Variants in TIMM23B observed in about 807,000 individuals in gnomAD.
TIMM23B encodes the protein mitochondrial import inner membrane translocase subunit Tim23B.
TIMM23B carries 27 observed loss-of-function variants against 27.3 expected under a neutral mutation model. The observed-to-expected ratio is 0.99, with a 90% CI of 0.73 to 1.36. The LOEUF (loss-of-function observed/expected upper bound fraction) is 1.36. TIMM23B is among the 40% of genes most tolerant of loss of function. The pLI, the probability that TIMM23B is intolerant of heterozygous loss-of-function variation, is 0.00. For missense variants in TIMM23B, 205 were observed against 244.2 expected (o/e 0.84, Z 1.07); for synonymous variants, 73 against 92.4 (o/e 0.79, Z 1.21).
At chr10:49,965,001 A>G (rs1840075864) in intron 6 of TIMM23B, among the ~76,000 whole-genome samples, 1 of 152,180 alleles carries the variant, frequency 6.6e-6, no homozygotes, top group South Asian at 2.1e-4. Flanking sequence ...TGGGCGGATC[A>G]CTTGAGGTCA....
chr10:49,965,640 C>T (rs543927373), intron 6 of TIMM23B, among the ~76,000 whole-genome samples: 127 of 149,670 alleles, frequency 8.5e-4, no homozygotes, highest in Admixed American at 2.8e-3. Context: ...GGCGATAGAG[C>T]GAGTCTCTGT....
rs1158670808 is a variant in TIMM23B, at chr10:49,952,306, C to T, written c.259+87C>T. On this transcript the variant is annotated intron_variant, in intron 3 of 6. Coordinates refer to ENST00000651259, the MANE Select transcript of TIMM23B (RefSeq NM_001290117.2). ...TCAAAAGCAATTAGAATGTTGGTTT[C>T]AGGGTTTTTTTTTTTAATATTTACA... is the stretch of plus-strand genomic sequence containing the variant. 35 of 1,459,422 alleles carry T rather than the reference C, an allele frequency of 2.4e-5. No homozygotes were observed. In the Admixed American group the frequency reaches 3.9e-4, roughly 16 times the overall value. 90.4% of individuals were successfully genotyped at this position (1,459,422 alleles called of 1,614,324 possible).
chr10:49,952,697 A>T, intron 4 of TIMM23B, among the ~76,000 whole-genome samples, 164 bp downstream of exon 4: 1 of 149,920 alleles, frequency 6.7e-6, no homozygotes, highest in Non-Finnish European at 1.5e-5. Context: ...AAGGAATCAG[A>T]TTACTGACTC....
In TIMM23B at chr10:49,942,323, G is replaced by A. The variant is rs1377494693; in HGVS notation, c.106+23G>A. ...CGCGTAAGTATGGGGCCTAGCTTGC[G>A]ATTATTTCTGACTGGTTCTTGCGTT... On this transcript the variant is annotated intron_variant, in intron 1 of 6. Transcript: ENST00000651259. The A allele has an allele frequency of 2.5e-6, 4 of 1,595,300 alleles. No individual in the cohort carries two copies. The African/African-American group carries it at 5.4e-5, about 21-fold the overall frequency.
At chr10:49,952,391 G>A in intron 3 of TIMM23B, 58 bp from the exon 4 acceptor site, 1 of 1,562,318 alleles carries the variant, frequency 6.4e-7, no homozygotes, top group Non-Finnish European at 8.7e-7. Context: ...ATGCAGTTTT[G>A]AGGTTTTTTT....
rs1389512556 is a variant in TIMM23B, at chr10:49,952,479, G to A, written c.290G>A (p.Arg97Gln). 1.3e-5 allele frequency: 21 copies of A among 1,613,130 alleles called. No homozygotes were observed. In the East Asian group the frequency reaches 1.8e-4, roughly 14 times the overall value. Residue 97 changes from arginine to glutamine, a missense_variant, in exon 4 of 7, where the codon CGG becomes CAG. Physicochemically the swap from Arg to Gln is conservative, Grantham distance 43. Coordinates refer to ENST00000651259, the MANE Select transcript of TIMM23B (RefSeq NM_001290117.2). ...GAAFGAMNGL[R>Q]LGLKETQNMA... ...GCGTTTGGGGCAATGAATGGTCTTCGGCTAGGATTGAAGGAAACCCAGAAC... is the reference window on the plus strand; with the variant it reads ...GCGTTTGGGGCAATGAATGGTCTTCAGCTAGGATTGAAGGAAACCCAGAAC...
chr10:49,944,453 G>A (rs1839291856), intron 1 of TIMM23B, among the ~76,000 whole-genome samples: 1 of 151,966 alleles, frequency 6.6e-6, no homozygotes, highest in Admixed American at 6.6e-5. Context: ...TTCAATGTTA[G>A]TGAATTCAGG....
At chr10:49,946,326 T>C (rs1839355477) in intron 2 of TIMM23B, among the ~76,000 whole-genome samples, 1 of 152,034 alleles carries the variant, frequency 6.6e-6, no homozygotes, top group African/African-American at 2.4e-5. Context: ...AATAAGTATA[T>C]TTACTCTCAT....
chr10:49,961,347 C>T (rs1381183987), intron 6 of TIMM23B, among the ~76,000 whole-genome samples: 1 of 138,692 alleles, frequency 7.2e-6, no homozygotes, highest in Non-Finnish European at 1.5e-5. Flanking sequence ...CACGCCACTG[C>T]ACTCTAGCCT....
At chr10:49,947,646 G>T (rs1385831674) in intron 2 of TIMM23B, among the ~76,000 whole-genome samples, 11 of 151,598 alleles carry the variant, frequency 7.3e-5, no homozygotes, top group African/African-American at 2.2e-4. Flanking sequence ...AATGGAAAAA[G>T]TCCTGGCGCA....
chr10:49,972,192 G>A (rs2573404), intron 6 of TIMM23B, among the ~76,000 whole-genome samples: 5 of 152,242 alleles, frequency 3.3e-5, no homozygotes, highest in African/African-American at 9.7e-5. Flanking sequence ...GTCATCAGCT[G>A]TAGACACTGA....
At chr10:49,971,299 C>T (rs1169122428) in intron 6 of TIMM23B, among the ~76,000 whole-genome samples, 1 of 151,148 alleles carries the variant, frequency 6.6e-6, no homozygotes, top group East Asian at 1.9e-4. Flanking sequence ...ATCCCCTTCT[C>T]CGAGAAACAC....
chr10:49,959,705 C>T (rs1275378916), intron 6 of TIMM23B, among the ~76,000 whole-genome samples: 1 of 151,784 alleles, frequency 6.6e-6, no homozygotes, highest in South Asian at 2.1e-4. Context: ...GTGTTCTATA[C>T]GTCTCACCTT....
chr10:49,956,779 C>T (rs1839739968), intron 5 of TIMM23B, among the ~76,000 whole-genome samples: 1 of 146,770 alleles, frequency 6.8e-6, no homozygotes, highest in African/African-American at 2.4e-5. Context: ...TATTTGTTGC[C>T]AGGTGTTTGC....
chr10:49,968,884 T>A (rs1218334211), intron 6 of TIMM23B, among the ~76,000 whole-genome samples: 1 of 152,210 alleles, frequency 6.6e-6, no homozygotes, highest in East Asian at 1.9e-4. Context: ...ACTAGCTGTA[T>A]GACCTTTTGA....
intron 5 of TIMM23B, among the ~76,000 whole-genome samples, chr10:49,956,815 T>C (rs1839740736): frequency 6.8e-6 from 1 of 147,892 alleles, no homozygotes. Context: ...TAGTGATCAT[T>C]CCATGTATAT....
chr10:49,965,379 G>A (rs1338026136), intron 6 of TIMM23B, among the ~76,000 whole-genome samples: 1 of 151,988 alleles, frequency 6.6e-6, no homozygotes, highest in African/African-American at 2.4e-5. Flanking sequence ...ACTCCAGCCT[G>A]GGTGATAGAG....
intron 6 of TIMM23B, among the ~76,000 whole-genome samples, chr10:49,965,980 G>T (rs1840130267): frequency 6.7e-6 from 1 of 148,874 alleles, no homozygotes; most frequent in African/African-American, 2.5e-5. Context: ...TGGGTGAAAT[G>T]AAATGAAATA....
intron 2 of TIMM23B, 137 bp downstream of exon 2, chr10:49,945,227 A>C: frequency 1.4e-6 from 1 of 718,236 alleles, no homozygotes; most frequent in Non-Finnish European, 2.4e-6. Flanking sequence ...TTTTTTCCTC[A>C]CAAACACCAG....
Sources: gnomAD v4.1 joint callset for allele counts (sites outside exome capture counted in the v4.1 genomes callset) on GRCh38, gnomAD v4.1.1 for gene constraint, MANE v1.5 for transcripts, NCBI Gene and HGNC (gene_info 2026-07-23, HGNC 2026-07-21) for gene names.